ZMYM2: variants seen among roughly 807,000 people sequenced by gnomAD.
The protein encoded by ZMYM2 is zinc finger MYM-type containing 2.
ZMYM2 carries 56 observed loss-of-function variants against 162.8 expected under a neutral mutation model. The ratio of observed to expected loss-of-function variants is 0.34; its 90% CI spans 0.28 to 0.43. The LOEUF (loss-of-function observed/expected upper bound fraction) is 0.43, where lower values mean the gene tolerates loss of function less well. ZMYM2 is among the 20% of genes least tolerant of loss of function. ZMYM2 has a pLI of 1.00. For missense variants in ZMYM2, 1,275 were observed against 1,621.8 expected (o/e 0.79, Z 3.67); for synonymous variants, 510 against 541.6 (o/e 0.94, Z 0.81).
At chr13:19,954,145 T>TTTTTTTTTTTTTTTTTTTTTTG, upstream of ZMYM2, among the ~76,000 whole-genome samples, 1 of 131,654 alleles carries the variant, frequency 7.6e-6, no homozygotes. Context: ...TTTTTTTTTT[T>TTTTTTTTTTTTTTTTTTTTTTG]TTAGACGGAG....
At chr13:20,010,833 G>T (rs1951114188) in intron 6 of ZMYM2, among the ~76,000 whole-genome samples, 1 of 152,050 alleles carries the variant, frequency 6.6e-6, no homozygotes, top group Non-Finnish European at 1.5e-5. Flanking sequence ...TAGAGACGGG[G>T]TTTCACCATG....
At chr13:19,995,808 G>T (rs921080024) in intron 3 of ZMYM2, among the ~76,000 whole-genome samples, 1 of 152,140 alleles carries the variant, frequency 6.6e-6, no homozygotes, top group Admixed American at 6.5e-5. Context: ...GGACAACGTG[G>T]TGAAAAAATA....
chr13:20,062,987 A>G lies in ZMYM2; in HGVS notation c.3037+16A>G. 1 of 1,587,420 alleles carries G rather than the reference A, an allele frequency of 6.3e-7. No homozygotes were observed. The highest frequency in any genetic ancestry group is 1.2e-5 in the South Asian group (1 of 85,966). On this transcript the variant is annotated intron_variant, in intron 18 of 24. Transcript: ENST00000610343. ...TTTCCCAGAGGTACTCAAAACCTTT[A>G]TGACTATGGAATTTAGTTATGGAGT...
chr13:19,917,358 G>T, the ZMYM2 span, among the ~76,000 whole-genome samples: 1 of 152,088 alleles, frequency 6.6e-6, no homozygotes, highest in Non-Finnish European at 1.5e-5. Flanking sequence ...AGGGGCAGAG[G>T]TGGGTGGATC....
At chr13:19,959,162 C>CGCGGGGCCG (rs1191013452) in intron 1 of ZMYM2, among the ~76,000 whole-genome samples, 6 of 145,102 alleles carry the variant, frequency 4.1e-5, no homozygotes, top group Non-Finnish European at 9.1e-5. Context: ...CGGCGGGGGT[C>CGCGGGGCCG]GCGGGGCCGG....
chr13:20,054,306 C>T (rs1955614870), intron 14 of ZMYM2, among the ~76,000 whole-genome samples: 1 of 152,196 alleles, frequency 6.6e-6, no homozygotes, highest in African/African-American at 2.4e-5. Context: ...CTGTTTTGTT[C>T]CAGACTTCAT....
chr13:19,958,227 C>G (rs373591324), upstream of ZMYM2, among the ~76,000 whole-genome samples: 4 of 152,196 alleles, frequency 2.6e-5, no homozygotes, highest in East Asian at 7.7e-4. Context: ...TCGCAGGGGC[C>G]TTCAAGCAAC....
At chr13:19,890,322 C>T in the ZMYM2 span, among the ~76,000 whole-genome samples, 1 of 151,374 alleles carries the variant, frequency 6.6e-6, no homozygotes, top group Non-Finnish European at 1.5e-5. Flanking sequence ...GACCACCACG[C>T]CTGGCTAACT....
the ZMYM2 span, among the ~76,000 whole-genome samples, chr13:19,953,083 G>A: frequency 5.3e-5 from 8 of 152,132 alleles, no homozygotes; most frequent in African/African-American, 1.9e-4. Flanking sequence ...GACATAGCAA[G>A]AAGGCCCATG....
chr13:20,036,925 A>C lies in ZMYM2; in HGVS notation c.2292+16A>C, dbSNP rs1322161560. The C allele has an allele frequency of 1.9e-6, 3 of 1,592,636 alleles. No homozygotes were observed. In the Admixed American group the frequency reaches 5.4e-5, roughly 28 times the overall value. On this transcript the variant is annotated intron_variant, in intron 12 of 24. Transcript: ENST00000610343. Reference sequence around the variant, plus strand: ...GTACTACAAGGCGAGTAACTCCTTTATTACAGCAGCTACTTTAACCAGTCT... The same window carrying C: ...GTACTACAAGGCGAGTAACTCCTTTCTTACAGCAGCTACTTTAACCAGTCT...
chr13:19,919,665 GT>G, the ZMYM2 span, among the ~76,000 whole-genome samples: 4,810 of 135,564 alleles, frequency 0.035, 208 homozygotes, highest in Admixed American at 0.15. Flanking sequence ...CTCTTTATAT[GT>G]TTTTTTTCTT....
At chr13:20,075,618 T>C (rs931108746) in intron 21 of ZMYM2, among the ~76,000 whole-genome samples, 19 of 151,346 alleles carry the variant, frequency 1.3e-4, no homozygotes, top group African/African-American at 4.6e-4. Flanking sequence ...GTTTTACATA[T>C]GTGAACACAT....
rs184434331 is a variant in ZMYM2 at position 20,057,925 on chromosome 13, G to T, written c.2494-650G>T. Among the ~76,000 whole-genome samples the T allele has an allele frequency of 2.0e-5, 3 of 152,064 alleles. 1 individual carries two copies. Among genetic ancestry groups the T allele is most frequent in the Admixed American group, 2.0e-4 (3 of 15,266 alleles). On this transcript the variant is annotated intron_variant, in intron 14 of 24. Coordinates refer to ENST00000610343, the MANE Select transcript of ZMYM2 (RefSeq NM_197968.4). The stretch of plus-strand genomic sequence containing the variant: ...GAGTACCTTATTTTTACTCCCTTAC[G>T]CTCATATCTTCCACTTATTTCAGAT...
the ZMYM2 span, among the ~76,000 whole-genome samples, chr13:19,876,571 C>T: frequency 1.3e-5 from 2 of 152,068 alleles, no homozygotes; most frequent in African/African-American, 2.4e-5. Flanking sequence ...GATCTGCCTG[C>T]CCTGACCTCC....
chr13:19,969,601 A>T (rs375459260), intron 2 of ZMYM2, among the ~76,000 whole-genome samples: 11 of 152,334 alleles, frequency 7.2e-5, no homozygotes, highest in Admixed American at 2.0e-4. Flanking sequence ...GGGATTGAAT[A>T]AAAGAGATCA....
At chr13:19,909,613 A>C in the ZMYM2 span, among the ~76,000 whole-genome samples, 1 of 151,670 alleles carries the variant, frequency 6.6e-6, no homozygotes, top group Non-Finnish European at 1.5e-5. Context: ...TTGTAATTTT[A>C]GTAGAGACAA....
chr13:20,006,287 C>T, intron 5 of ZMYM2, 87 bp from the exon 6 acceptor site: 2 of 1,300,330 alleles, frequency 1.5e-6, no homozygotes, highest in South Asian at 3.4e-5. Context: ...CTTATTAGGA[C>T]ATCTTTATTT....
rs59855358 is a variant in ZMYM2, at chr13:20,074,196, T to TTGTGTG, written c.3453+6843_3453+6848dup. On this transcript the variant is annotated intron_variant, in intron 21 of 24. Coordinates refer to ENST00000610343, the MANE Select transcript of ZMYM2 (RefSeq NM_197968.4). ...TGTGTTGTGTAGCATATGTCAGAAT[T>TTGTGTG]TGTGTGTGTGTGTGTGTGTGTGTGT... Among the ~76,000 whole-genome samples, 911 of 141,578 alleles carry TTGTGTG rather than the reference T, an allele frequency of 6.4e-3. 5 individuals are homozygous for TTGTGTG. Among genetic ancestry groups the TTGTGTG allele is most frequent in the East Asian group, 0.018 (82 of 4,620 alleles). The allele number at this position is 141,578 out of a possible 152,430, so 92.9% of individuals were successfully genotyped here.
intron 6 of ZMYM2, among the ~76,000 whole-genome samples, chr13:20,007,694 C>T (rs1188493862): frequency 6.7e-6 from 1 of 148,832 alleles, no homozygotes; most frequent in Non-Finnish European, 1.5e-5. Context: ...AATTTTGGCT[C>T]ACTGCAACTT....
Sources: allele counts gnomAD v4.1 joint callset (sites outside exome capture counted in the v4.1 genomes callset), GRCh38; gene constraint gnomAD v4.1.1; transcripts MANE v1.5; gene names NCBI Gene and HGNC (gene_info 2026-07-23, HGNC 2026-07-21).